MBNL2: variants seen among roughly 807,000 people sequenced by gnomAD.
MBNL2 encodes muscleblind-like protein 2.
In MBNL2, 17 loss-of-function variants were observed where a neutral mutation model predicts 41.9. The ratio of observed to expected loss-of-function variants is 0.41; its 90% CI spans 0.28 to 0.61. The LOEUF is 0.61. Ranked by LOEUF, MBNL2 falls within the 20% of genes least tolerant of loss-of-function variation. MBNL2 has a pLI of 0.35. For missense variants in MBNL2, 336 were observed against 505.6 expected (o/e 0.66, Z 3.22); for synonymous variants, 195 against 182.9 (o/e 1.07, Z -0.53).
intron 4 of MBNL2, among the ~76,000 whole-genome samples, chr13:97,345,623 T>C (rs1363012720): frequency 1.3e-5 from 2 of 152,162 alleles, no homozygotes; most frequent in Admixed American, 1.3e-4. Flanking sequence ...TTCTGTGCTG[T>C]CAAAAATAGT....
In MBNL2 at chr13:97,346,966, C is replaced by A; in HGVS notation, c.703C>A (p.His235Asn). The A allele has an allele frequency of 6.2e-7, 1 of 1,613,924 alleles. No individual in the cohort carries two copies. The highest frequency in any genetic ancestry group is 8.5e-7 in the Non-Finnish European group (1 of 1,179,810). The change falls in exon 5 of 9, where the codon CAC becomes AAC. Residue 235 changes from histidine (H) to asparagine (N), a missense_variant. Physicochemically the swap from His to Asn is moderately conservative, Grantham distance 68 (BLOSUM62 1). Coordinates refer to ENST00000679496, the MANE Select transcript of MBNL2 (RefSeq NM_001382683.1). The surrounding 1 kb of genome is among the most constrained non-coding windows in gnomAD (Gnocchi z 4.2). ...CATGAGGGAGAAATGCAAATATTTT[C>A]ACCCTCCTGCACACTTGCAGGCCAA... ...RCMREKCKYF[H>N]PPAHLQAKIK...
chr13:97,206,804 A>C, the MBNL2 span, among the ~76,000 whole-genome samples: 2 of 152,232 alleles, frequency 1.3e-5, no homozygotes, highest in African/African-American at 2.4e-5. Context: ...ATAGTGTAAT[A>C]CTATGCCAAA....
chr13:97,313,512 TA>T (rs11335950), intron 2 of MBNL2, among the ~76,000 whole-genome samples: 2,607 of 152,278 alleles, frequency 0.017, 83 homozygotes, highest in African/African-American at 0.059. Flanking sequence ...ATTGTGAGAT[TA>T]AATGGGGTTG....
chr13:97,295,034 C>T (rs1239906324), intron 2 of MBNL2, among the ~76,000 whole-genome samples: 1 of 152,116 alleles, frequency 6.6e-6, no homozygotes, highest in Non-Finnish European at 1.5e-5. Context: ...GGAAAGTAAG[C>T]AGTATGTGAA....
At chr13:97,333,240 C>CTTTTTTT (rs568567710) in intron 2 of MBNL2, among the ~76,000 whole-genome samples, 98 of 152,292 alleles carry the variant, frequency 6.4e-4, no homozygotes, top group Non-Finnish European at 1.3e-3. Context: ...GTTTGCTCTT[C>CTTTTTTT]TTTCTCCAGA....
At chr13:97,356,541 G>A (rs1321910249) in intron 5 of MBNL2, among the ~76,000 whole-genome samples, 2 of 151,986 alleles carry the variant, frequency 1.3e-5, no homozygotes, top group Non-Finnish European at 2.9e-5. Context: ...TTTAACTAAG[G>A]TATAGTAGAT....
At chr13:97,178,268 A>G in the MBNL2 span, among the ~76,000 whole-genome samples, 1 of 152,196 alleles carries the variant, frequency 6.6e-6, no homozygotes, top group Non-Finnish European at 1.5e-5. Flanking sequence ...TGAAAATGGA[A>G]CTGATTTATT....
At chr13:97,355,620 A>C (rs2062921471) in intron 5 of MBNL2, among the ~76,000 whole-genome samples, 1 of 151,274 alleles carries the variant, frequency 6.6e-6, no homozygotes, top group Non-Finnish European at 1.5e-5. Context: ...TTTTTTTTTT[A>C]CAACAATTAA....
the MBNL2 span, among the ~76,000 whole-genome samples, chr13:97,196,956 C>T: frequency 6.6e-6 from 1 of 152,164 alleles, no homozygotes; most frequent in African/African-American, 2.4e-5. Context: ...AGATTGTTTA[C>T]ATAGACCAAG....
At chr13:97,214,804 A>G in the MBNL2 span, among the ~76,000 whole-genome samples, 3 of 152,228 alleles carry the variant, frequency 2.0e-5, no homozygotes, top group African/African-American at 4.8e-5. Context: ...GCACAGTGAC[A>G]GATGCACAGT....
At chr13:97,217,775 G>T (rs943902736), upstream of MBNL2, among the ~76,000 whole-genome samples, 1 of 152,136 alleles carries the variant, frequency 6.6e-6, no homozygotes, top group African/African-American at 2.4e-5. Context: ...TTAAAAAGAT[G>T]ATTTTGGCTG....
At chr13:97,159,897 G>T in the MBNL2 span, among the ~76,000 whole-genome samples, 2 of 151,766 alleles carry the variant, frequency 1.3e-5, no homozygotes, top group African/African-American at 2.4e-5. Context: ...TTCTCAAGGA[G>T]TATCTTTGTG....
Position 97,228,070 on chromosome 13 carries a change from G to A in MBNL2, c.-605+5539G>A, listed in dbSNP as rs2041896804. On this transcript the variant is annotated intron_variant, in intron 1 of 8. Transcript: ENST00000679496. ...AGTTCTCCTAAGCCTGTTACAGGGA[G>A]TTGGGGGGGAAATGAATATTTCAAG... Among the ~76,000 whole-genome samples, 4 of 152,190 alleles carry A rather than the reference G, an allele frequency of 2.6e-5. No homozygotes were observed. In the South Asian group the frequency reaches 8.3e-4, roughly 32 times the overall value.
intron 1 of MBNL2, among the ~76,000 whole-genome samples, chr13:97,239,486 A>T (rs189033376): frequency 1.3e-5 from 2 of 152,228 alleles, no homozygotes; most frequent in East Asian, 3.8e-4. Context: ...ATAGTCCATC[A>T]TCTATACAAA....
intron 1 of MBNL2, among the ~76,000 whole-genome samples, chr13:97,250,670 G>T (rs1309083602): frequency 1.3e-5 from 2 of 151,988 alleles, no homozygotes; most frequent in Admixed American, 6.6e-5. Flanking sequence ...TTCATTCAAT[G>T]ATCTTGAAAG....
At chr13:97,341,127 T>G (rs1014064246) in intron 3 of MBNL2, among the ~76,000 whole-genome samples, 1 of 152,140 alleles carries the variant, frequency 6.6e-6, no homozygotes, top group Admixed American at 6.5e-5. Flanking sequence ...TTAGTGCAAG[T>G]TTTTTAATAC....
chr13:97,199,572 G>A, the MBNL2 span, among the ~76,000 whole-genome samples: 3 of 152,310 alleles, frequency 2.0e-5, no homozygotes, highest in East Asian at 5.8e-4. Flanking sequence ...TGCTATACAA[G>A]ACATTTAAAA....
At chr13:97,327,340 T>C (rs1165668906) in intron 2 of MBNL2, among the ~76,000 whole-genome samples, 5 of 152,118 alleles carry the variant, frequency 3.3e-5, no homozygotes, top group African/African-American at 1.2e-4. Context: ...TGTCACTTTT[T>C]ACTGTAACTG....
At chr13:97,318,239 G>A (rs2059216719) in intron 2 of MBNL2, among the ~76,000 whole-genome samples, 1 of 152,228 alleles carries the variant, frequency 6.6e-6, no homozygotes, top group South Asian at 2.1e-4. Flanking sequence ...GGCACATTGT[G>A]AGAATTCGGC....
Sources: gnomAD v4.1 joint callset for allele counts (sites outside exome capture counted in the v4.1 genomes callset) on GRCh38, gnomAD v4.1.1 for gene constraint, Gnocchi (gnomAD v3.1) non-coding constraint, MANE v1.5 for transcripts, NCBI Gene and HGNC (gene_info 2026-07-23, HGNC 2026-07-21) for gene names.